YIPF7: variants seen among roughly 807,000 people sequenced by gnomAD.
YIPF7 encodes the protein Yip1 domain family member 7, also known as protein YIPF7.
In YIPF7, 35 loss-of-function variants were observed where a neutral mutation model predicts 27.2. The observed-to-expected ratio is 1.29, with a 90% CI of 0.98 to 1.70. The LOEUF is 1.70. Ranked by LOEUF, YIPF7 falls within the 40% of genes most tolerant of loss-of-function variation. YIPF7 has a pLI of 0.00. For missense variants in YIPF7, 358 were observed against 303.7 expected (o/e 1.18, Z -1.33); for synonymous variants, 137 against 110.4 (o/e 1.24, Z -1.51).
intron 2 of YIPF7, among the ~76,000 whole-genome samples, chr4:44,647,302 C>T (rs973765018): frequency 6.6e-5 from 10 of 152,066 alleles, no homozygotes; most frequent in Non-Finnish European, 1.2e-4. Flanking sequence ...TGGATAAAGC[C>T]GCGGTCCATG....
At chr4:44,661,059 G>A (rs1346186820) in intron 1 of YIPF7, among the ~76,000 whole-genome samples, 2 of 152,136 alleles carry the variant, frequency 1.3e-5, no homozygotes, top group Non-Finnish European at 2.9e-5. Flanking sequence ...GATTCTAAGT[G>A]GAATTTAGAG....
At chr4:44,622,623 A>G (rs1472935322) in intron 5 of YIPF7, 47 bp from the exon 6 acceptor site, 3 of 1,596,266 alleles carry the variant, frequency 1.9e-6, no homozygotes, top group Non-Finnish European at 2.6e-6. Context: ...TAGAAAAGAG[A>G]TTATTGAGTT....
Position 44,636,156 on chromosome 4 carries a change from A to G in YIPF7, c.117-71T>C, listed in dbSNP as rs1577736717. ...ATCATGACAAAGGAGGAAAATTACA[A>G]TTTTACTTACATGAATTCATGTAGT... On this transcript the variant is annotated intron_variant, in intron 2 of 5. Coordinates refer to ENST00000415895, the MANE Select transcript of YIPF7 (RefSeq NM_182592.3). The G allele has an allele frequency of 2.1e-6, 3 of 1,433,930 alleles. No individual in the cohort carries two copies. In the East Asian group the frequency reaches 7.0e-5, roughly 33 times the overall value. 88.8% of individuals were successfully genotyped at this position (1,433,930 alleles called of 1,614,324 possible).
chr4:44,622,993 G>T (rs1268700255), intron 5 of YIPF7, among the ~76,000 whole-genome samples: 3 of 152,170 alleles, frequency 2.0e-5, no homozygotes, highest in African/African-American at 7.2e-5. Flanking sequence ...CATTCCAGTG[G>T]GGTGCCTAGT....
At chr4:44,657,139 C>T (rs1491316) in intron 2 of YIPF7, among the ~76,000 whole-genome samples, 149,114 of 152,304 alleles carry the variant, frequency 0.98, 73,086 homozygotes, top group East Asian at 1. Context: ...ATTGTTAAGA[C>T]AGTTTGAGGA....
intron 4 of YIPF7, among the ~76,000 whole-genome samples, chr4:44,625,176 A>G (rs1285190549): frequency 6.6e-6 from 1 of 152,228 alleles, no homozygotes; most frequent in Non-Finnish European, 1.5e-5. Context: ...TACAAGGCAT[A>G]TTAGTAAAAT....
At chr4:44,655,722 T>TGCATTTTTATC (rs1713881240), upstream of YIPF7, among the ~76,000 whole-genome samples, 1 of 152,094 alleles carries the variant, frequency 6.6e-6, no homozygotes, top group African/African-American at 2.4e-5. Flanking sequence ...TTATTTTTAA[T>TGCATTTTTATC]GCATTTTTAT....
At chr4:44,626,606 G>A (rs1444985444) in intron 4 of YIPF7, among the ~76,000 whole-genome samples, 1 of 151,928 alleles carries the variant, frequency 6.6e-6, no homozygotes. Context: ...AGTTTGTCCC[G>A]TTTAAGTTGT....
At chr4:44,625,976 C>T (rs1266564734) in intron 4 of YIPF7, among the ~76,000 whole-genome samples, 1 of 152,180 alleles carries the variant, frequency 6.6e-6, no homozygotes, top group East Asian at 1.9e-4. Flanking sequence ...AGCTTTTTAG[C>T]TGCCACTTTT....
chr4:44,628,249 C>T (rs113995296), intron 4 of YIPF7, among the ~76,000 whole-genome samples: 72 of 152,176 alleles, frequency 4.7e-4, no homozygotes, highest in African/African-American at 1.6e-3. Context: ...AAGATGTTAT[C>T]GCTAAATACT....
chr4:44,657,793 T>C (rs1373994669), intron 2 of YIPF7, among the ~76,000 whole-genome samples: 2 of 152,056 alleles, frequency 1.3e-5, no homozygotes, highest in African/African-American at 2.4e-5. Context: ...AGAGAAATAA[T>C]CCTGCCACCT....
chr4:44,631,039 G>A (rs1361463928), intron 3 of YIPF7, among the ~76,000 whole-genome samples: 1 of 152,004 alleles, frequency 6.6e-6, no homozygotes, highest in Non-Finnish European at 1.5e-5. Flanking sequence ...TACATACATC[G>A]GTCTTATAAA....
upstream of YIPF7, among the ~76,000 whole-genome samples, chr4:44,656,421 C>A (rs1713903299): frequency 6.6e-6 from 1 of 152,008 alleles, no homozygotes; most frequent in African/African-American, 2.4e-5. Context: ...ATCTCATCCA[C>A]TTAATTCTAT....
rs753834911 is a variant in YIPF7 at position 44,624,773 on chromosome 4, C to T, written c.436G>A (p.Val146Ile). 3 of 1,607,004 alleles carry T rather than the reference C, an allele frequency of 1.9e-6. No individual in the cohort carries two copies. Among genetic ancestry groups the T allele is most frequent in the South Asian group, 1.1e-5 (1 of 89,196 alleles). ...LGATLLLAGK[V>I]QFGYVYGMSA... ...ATGCCATACACATAACCAAACTGAA[C>T]TTTTCCTGCCTGAAACGACGTGAAG... is the stretch of plus-strand genomic sequence containing the variant. The change falls in exon 5 of 6, where the codon GTT becomes ATT. Residue 146 changes from valine to isoleucine, a missense_variant. By Grantham distance (29) the Val-to-Ile change is conservative. Transcript: ENST00000415895.
chr4:44,645,325 A>G (rs1313181558), intron 2 of YIPF7, among the ~76,000 whole-genome samples: 1 of 152,164 alleles, frequency 6.6e-6, no homozygotes, highest in African/African-American at 2.4e-5. Flanking sequence ...TATGCCAATG[A>G]GTTTTCATAT....
intron 3 of YIPF7, among the ~76,000 whole-genome samples, chr4:44,631,934 A>G (rs191683046): frequency 2.6e-5 from 4 of 152,284 alleles, no homozygotes; most frequent in African/African-American, 7.2e-5. Context: ...TTAATTCCAA[A>G]TACCTTTTCC....
At chr4:44,657,088 C>T (rs1177614731) in intron 2 of YIPF7, among the ~76,000 whole-genome samples, 2 of 151,906 alleles carry the variant, frequency 1.3e-5, no homozygotes, top group Non-Finnish European at 2.9e-5. Flanking sequence ...CAAAGTATTC[C>T]AAGTTTATTG....
At chr4:44,624,060 C>CTTT (rs1170920998) in intron 5 of YIPF7, among the ~76,000 whole-genome samples, 2 of 137,158 alleles carry the variant, frequency 1.5e-5, no homozygotes, top group Non-Finnish European at 1.6e-5. Flanking sequence ...TTCTCTCTCT[C>CTTT]TTTTTTTTTT....
Position 44,636,016 on chromosome 4 carries a change from G to T in YIPF7, c.186C>A (p.Tyr62Ter), listed in dbSNP as rs374178881. The T allele has an allele frequency of 1.9e-6, 3 of 1,613,794 alleles. No homozygotes were observed. Among genetic ancestry groups the T allele is most frequent in the South Asian group, 2.2e-5 (2 of 91,066 alleles). The change falls in exon 3 of 6, where the codon TAC (tyrosine) becomes TAA (stop). Residue 62 changes from tyrosine (Y) to a stop codon, truncating the protein, a stop_gained. Transcript: ENST00000415895. LOFTEE classifies it high-confidence loss of function. ...VPSEMLMSSG[Y>*]AGQFFQPASN... is the part of the protein sequence containing the mutation. ...ATGCTGGCTGAAAAAATTGTCCTGCGTAACCCGATGACATGAGCATCTCTG... is the reference window on the plus strand; with the variant it reads ...ATGCTGGCTGAAAAAATTGTCCTGCTTAACCCGATGACATGAGCATCTCTG...
Sources: allele counts gnomAD v4.1 joint callset (sites outside exome capture counted in the v4.1 genomes callset), GRCh38; gene constraint gnomAD v4.1.1; transcripts MANE v1.5; gene names NCBI Gene and HGNC (gene_info 2026-07-23, HGNC 2026-07-21).